Variants in ARIH2 observed in about 807,000 individuals in gnomAD.
ARIH2 encodes the protein E3 ubiquitin-protein ligase ARIH2.
In ARIH2, 12 loss-of-function variants were observed where a neutral mutation model predicts 79.8. The ratio of observed to expected loss-of-function variants is 0.15; its 90% CI spans 0.10 to 0.24. The LOEUF (loss-of-function observed/expected upper bound fraction) is 0.24. ARIH2 is among the 10% of genes least tolerant of loss of function. The probability of loss-of-function intolerance (pLI) is 1.00; values close to 1 mark genes in which losing one functional copy is unlikely to be tolerated. For synonymous variants in ARIH2, 224 were observed against 213.9 expected (o/e 1.05, Z -0.41); for missense variants, 301 against 618.3 (o/e 0.49, Z 5.44).
In ARIH2 at chr3:48,952,668, C is replaced by T. The variant is rs77226984; in HGVS notation, c.256-8944C>T. Among the ~76,000 whole-genome samples the T allele has an allele frequency of 9.2e-5, 14 of 152,206 alleles. No individual in the cohort carries two copies. The East Asian group carries it at 2.5e-3, about 27-fold the overall frequency. ...AGTGAGACGTGGAGGAAAAGGCCAA[C>T]AGTCCTACCTTGAGAGGAGTGGGAA... On this transcript the variant is annotated intron_variant, in intron 3 of 15. Transcript: ENST00000356401.
At chr3:48,982,185 G>C (rs1166328640) in intron 14 of ARIH2, among the ~76,000 whole-genome samples, 1 of 152,144 alleles carries the variant, frequency 6.6e-6, no homozygotes, top group Non-Finnish European at 1.5e-5. Context: ...AAACAGAAAA[G>C]CATTTACATT....
chr3:48,952,535 C>G (rs1384255258), intron 3 of ARIH2, among the ~76,000 whole-genome samples: 1 of 152,092 alleles, frequency 6.6e-6, no homozygotes, highest in Admixed American at 6.5e-5. Flanking sequence ...CATTAAGATG[C>G]CTTTCCATGT....
chr3:48,945,928 G>A (rs1329570818), intron 3 of ARIH2, among the ~76,000 whole-genome samples: 3 of 152,160 alleles, frequency 2.0e-5, no homozygotes, highest in Non-Finnish European at 2.9e-5. Flanking sequence ...CCCTGCAGCC[G>A]TCTCCTTGTA....
intron 3 of ARIH2, among the ~76,000 whole-genome samples, chr3:48,947,309 C>T (rs528017611): frequency 1.3e-5 from 2 of 152,158 alleles, no homozygotes; most frequent in African/African-American, 2.4e-5. Flanking sequence ...GGCGTTGTAG[C>T]GCATGCCTAT....
chr3:48,934,189 CT>C, intron 3 of ARIH2: 1 of 236,966 alleles, frequency 4.2e-6, no homozygotes, highest in East Asian at 1.8e-4. Flanking sequence ...AACAACCTGG[CT>C]TTTTTGCCTT....
At chr3:48,978,417 G>T (rs960018777) in intron 11 of ARIH2, among the ~76,000 whole-genome samples, 3 of 86,194 alleles carry the variant, frequency 3.5e-5, no homozygotes, top group African/African-American at 8.7e-5. Context: ...TGGCTAATTT[G>T]TGTATGTGTG....
intron 4 of ARIH2, 147 bp from the exon 5 acceptor site, chr3:48,964,772 G>T (rs1007282752): frequency 7.2e-6 from 4 of 558,096 alleles, no homozygotes; most frequent in African/African-American, 5.7e-5. Flanking sequence ...GAGAAAAAAA[G>T]TCTTTGTACT....
At chr3:48,927,985 A>T (rs1033771103) in intron 3 of ARIH2, 172 bp downstream of exon 3, 29 of 795,040 alleles carry the variant, frequency 3.6e-5, no homozygotes, top group Non-Finnish European at 5.2e-5. Flanking sequence ...GTTTTCTAAT[A>T]TATGCATGTC....
At chr3:48,965,498 C>A (rs2091697314) in intron 5 of ARIH2, among the ~76,000 whole-genome samples, 1 of 152,274 alleles carries the variant, frequency 6.6e-6, no homozygotes, top group East Asian at 1.9e-4. Context: ...TGTCCTTGGG[C>A]CCTCTCCAGC....
At chr3:48,957,774 G>A (rs1277960691) in intron 3 of ARIH2, among the ~76,000 whole-genome samples, 1 of 152,142 alleles carries the variant, frequency 6.6e-6, no homozygotes, top group African/African-American at 2.4e-5. Context: ...GGAGTGCAGT[G>A]GCGCGATCTC....
At chr3:48,978,211 G>A (rs1477278542) in intron 11 of ARIH2, among the ~76,000 whole-genome samples, 1 of 151,106 alleles carries the variant, frequency 6.6e-6, no homozygotes, top group African/African-American at 2.4e-5. Context: ...TTAGACTGCA[G>A]TAATTCTTTG....
At chr3:48,926,242 C>CGTGTGTGTGTGTGTGTGTGTGT (rs34080246) in intron 2 of ARIH2, among the ~76,000 whole-genome samples, 2 of 148,062 alleles carry the variant, frequency 1.4e-5, no homozygotes, top group African/African-American at 4.9e-5. Flanking sequence ...GAGTTTCCCT[C>CGTGTGTGTGTGTGTGTGTGTGT]GTGTGTGTGT....
intron 3 of ARIH2, among the ~76,000 whole-genome samples, chr3:48,939,490 A>C (rs1302549415): frequency 6.6e-6 from 1 of 151,326 alleles, no homozygotes; most frequent in Non-Finnish European, 1.5e-5. Flanking sequence ...GGGCGCGGTG[A>C]CTCACGCCTG....
At chr3:48,919,258 C>T in intron 1 of ARIH2, 1 of 1,205,192 alleles carries the variant, frequency 8.3e-7, no homozygotes, top group Non-Finnish European at 1.0e-6. Flanking sequence ...CAACCGGCGC[C>T]GGCACATCTA....
chr3:48,969,668 C>T (rs1032017595), intron 7 of ARIH2, among the ~76,000 whole-genome samples: 7 of 151,646 alleles, frequency 4.6e-5, no homozygotes, highest in Non-Finnish European at 8.8e-5. Context: ...TTGTATTTTT[C>T]GTAAAGATGG....
chr3:48,973,642 T>C, intron 8 of ARIH2, 57 bp from the exon 9 acceptor site: 1 of 1,352,434 alleles, frequency 7.4e-7, no homozygotes, highest in Non-Finnish European at 1.0e-6. Flanking sequence ...AGGAAAATTT[T>C]GAACATGGGA....
At chr3:48,969,986 G>A (rs889644751) in intron 7 of ARIH2, among the ~76,000 whole-genome samples, 4 of 151,520 alleles carry the variant, frequency 2.6e-5, no homozygotes, top group Non-Finnish European at 5.9e-5. Context: ...TATCTCCCAG[G>A]TTCAAGCGAT....
chr3:48,976,916 ACT>A (rs2092535534), intron 11 of ARIH2, among the ~76,000 whole-genome samples: 1 of 151,668 alleles, frequency 6.6e-6, no homozygotes, highest in Non-Finnish European at 1.5e-5. Context: ...AAAAAAAAAA[ACT>A]GGCTGGGCGC....
At chr3:48,952,743 G>GT (rs1042380236) in intron 3 of ARIH2, among the ~76,000 whole-genome samples, 4 of 152,144 alleles carry the variant, frequency 2.6e-5, no homozygotes, top group Non-Finnish European at 5.9e-5. Context: ...AGAGCACAGA[G>GT]TACCTGAACA....
Sources: allele counts gnomAD v4.1 joint callset (sites outside exome capture counted in the v4.1 genomes callset), GRCh38; gene constraint gnomAD v4.1.1; transcripts MANE v1.5; gene names NCBI Gene and HGNC (gene_info 2026-07-23, HGNC 2026-07-21).